Variants in ABCA6 observed in about 807,000 individuals in gnomAD.
ABCA6 encodes the protein ATP binding cassette subfamily A member 6.
A neutral mutation model predicts 191.2 loss-of-function variants in ABCA6; 164 were observed. The observed-to-expected ratio is 0.86, with a 90% CI of 0.76 to 0.98. The LOEUF (loss-of-function observed/expected upper bound fraction) is 0.98, where lower values mean the gene tolerates loss of function less well. Among genes scored for constraint, ABCA6 ranks in the 50% least tolerant of loss-of-function variants. The pLI, the probability that ABCA6 is intolerant of heterozygous loss-of-function variation, is 0.00. For missense variants in ABCA6, 1,958 were observed against 1,894.1 expected, an observed-to-expected ratio of 1.03 and a Z score of -0.63; for synonymous variants, 636 against 647.7, an observed-to-expected ratio of 0.98 and a Z score of 0.27.
rs2073945682 is a variant in ABCA6 at position 69,136,208 on chromosome 17, T to C, written c.344A>G (p.Glu115Gly). The C allele has an allele frequency of 3.1e-6, 5 of 1,596,934 alleles. No individual in the cohort carries two copies. Among genetic ancestry groups the C allele is most frequent in the Non-Finnish European group, 4.3e-6 (5 of 1,170,564 alleles). ...IGAPNKTHMD[E>G]ILLENLPYAM... ...ATATGGTAAATTTTCCAGAAGTATT[T>C]CGTCCATGTGTGTTTTATTTGGTGC... Residue 115 changes from glutamate (E) to glycine (G), a missense_variant, in exon 4 of 39, where the codon GAA becomes GGA. Coordinates refer to ENST00000284425, the MANE Select transcript of ABCA6 (RefSeq NM_080284.3).
chr17:69,118,919 C>G (rs929203745), intron 10 of ABCA6, among the ~76,000 whole-genome samples: 1 of 151,994 alleles, frequency 6.6e-6, no homozygotes, highest in African/African-American at 2.4e-5. Context: ...TAGATAGTCT[C>G]TCTCTCTGTC....
chr17:69,095,597 T>A (rs2073028235), intron 25 of ABCA6: 1 of 152,260 alleles, frequency 6.6e-6, no homozygotes, highest in African/African-American at 2.4e-5. Context: ...ATATTAAATA[T>A]ATCATTTCTT....
chr17:69,133,876 G>GTGCA lies in ABCA6; in HGVS notation c.565-10_565-9insTGCA, dbSNP rs747270154. On this transcript the variant is annotated splice_polypyrimidine_tract_variant and intron_variant, in intron 5 of 38. Coordinates refer to ENST00000284425, the MANE Select transcript of ABCA6 (RefSeq NM_080284.3). Reference sequence around the variant, plus strand: ...GGGTGATTGGTTGTGATCTAAAGTAGAGTTTAAACAAACATAATTATTATT... The same window carrying GTGCA: ...GGGTGATTGGTTGTGATCTAAAGTAGTGCAAGTTTAAACAAACATAATTATTATT... The GTGCA allele has an allele frequency of 6.6e-7, 1 of 1,507,894 alleles. No individual in the cohort carries two copies. The allele number at this position is 1,507,894 out of a possible 1,614,324, so 93.4% of individuals were successfully genotyped here. A position where few individuals can be genotyped will look rare whatever the true frequency, so the allele number is the denominator to read the frequency against.
rs74631971 is a variant in ABCA6 at position 69,086,301 on chromosome 17, C to T, written c.3937+317G>A. ...TTTTCAAAAGCTGTACCTAATCTGG[C>T]GCTGCTCAGCTCTATAGCTTTATCC... On this transcript the variant is annotated intron_variant, in intron 30 of 38. Transcript: ENST00000284425. Among the ~76,000 whole-genome samples, 1,287 of 152,108 alleles carry T rather than the reference C, an allele frequency of 8.5e-3. 13 individuals carry two copies. Among genetic ancestry groups the T allele is most frequent in the African/African-American group, 0.03 (1,229 of 41,470 alleles).
intron 15 of ABCA6, chr17:69,112,489 C>A: frequency 2.2e-6 from 1 of 455,534 alleles, no homozygotes; most frequent in Non-Finnish European, 3.9e-6. Flanking sequence ...GAGAATGAAA[C>A]CATGTCTTTT....
At position 69,087,358 on chromosome 17, in the gene ABCA6, C is replaced by A. The variant is rs1425612597; in HGVS notation, c.3814G>T (p.Asp1272Tyr). 6.2e-7 allele frequency: 1 copy of A among 1,613,130 alleles called. No homozygotes were observed. The highest frequency in any genetic ancestry group is 8.5e-7 in the Non-Finnish European group (1 of 1,179,652). The part of the protein sequence containing the change: ...TATALTTSIL[D>Y]EKPVIIASCL... Reference sequence around the variant, plus strand: ...TTTGCCCCTTGCTTTTTTACCTCATCTAAGATTGAAGTGGTCAGAGCAGTG... The same window carrying A: ...TTTGCCCCTTGCTTTTTTACCTCATATAAGATTGAAGTGGTCAGAGCAGTG... Residue 1272 changes from aspartate to tyrosine, a missense_variant, in exon 29 of 39, where the codon GAT (aspartate) becomes TAT (tyrosine). By Grantham distance (160) the Asp-to-Tyr change is radical (BLOSUM62 -3). Coordinates refer to ENST00000284425, the MANE Select transcript of ABCA6 (RefSeq NM_080284.3).
At chr17:69,105,767 C>A (rs2144657794) in intron 19 of ABCA6, 139 bp from the exon 20 acceptor site, 1 of 776,450 alleles carries the variant, frequency 1.3e-6, no homozygotes, top group East Asian at 2.7e-5. Flanking sequence ...GAAGATAATA[C>A]CCTAGCATGC....
Position 69,083,461 on chromosome 17 carries a change from G to T in ABCA6, c.4356-130C>A, listed in dbSNP as rs1288548497. ...ATAGTGCAATGTAAGTACTGACTAG[G>T]TTTTTGATAACATAAATAACATTTT... is the stretch of plus-strand genomic sequence containing the variant. On this transcript the variant is annotated intron_variant, in intron 34 of 38. Transcript: ENST00000284425. The T allele has an allele frequency of 4.9e-6, 4 of 822,834 alleles. No individual in the cohort carries two copies. In the East Asian group the frequency reaches 1.3e-4, roughly 26 times the overall value. The allele number at this position is 822,834 out of a possible 1,614,324, so 51.0% of individuals were successfully genotyped here. A position where few individuals can be genotyped will look rare whatever the true frequency, so the allele number is the denominator to read the frequency against.
intron 10 of ABCA6, among the ~76,000 whole-genome samples, chr17:69,118,893 C>G (rs1320077149): frequency 1.3e-5 from 2 of 151,942 alleles, no homozygotes; most frequent in East Asian, 1.9e-4. Flanking sequence ...ATTCACACAT[C>G]TAATGGTTTG....
At position 69,096,818 on chromosome 17, in the gene ABCA6, A is replaced by AT; in HGVS notation, c.3121-18_3121-17insA. On this transcript the variant is annotated splice_polypyrimidine_tract_variant and intron_variant, in intron 23 of 38. Coordinates refer to ENST00000284425, the MANE Select transcript of ABCA6 (RefSeq NM_080284.3). ...AGCATTTTTCTGATTAAAAAAAAAA[A>AT]GAAAGAAAGAAATGTATATAGATTC... The AT allele has an allele frequency of 4.0e-6, 6 of 1,507,018 alleles. No homozygotes were observed. The highest frequency in any genetic ancestry group is 4.4e-6 in the Non-Finnish European group (5 of 1,132,862). The allele number at this position is 1,507,018 out of a possible 1,614,324, so 93.4% of individuals were successfully genotyped here.
At chr17:69,083,914 T>C (rs1001380151) in intron 34 of ABCA6, among the ~76,000 whole-genome samples, 2 of 151,294 alleles carry the variant, frequency 1.3e-5, no homozygotes, top group African/African-American at 2.4e-5. Flanking sequence ...AACAGGAAAA[T>C]TGTGTCAGGA....
At chr17:69,138,893 G>A (rs1263417589) in intron 2 of ABCA6, among the ~76,000 whole-genome samples, 6 of 151,580 alleles carry the variant, frequency 4.0e-5, no homozygotes, top group Non-Finnish European at 7.4e-5. Flanking sequence ...GGCTAGCCAT[G>A]TGTAGAAAGC....
chr17:69,134,880 G>A (rs2073924372), intron 4 of ABCA6, 138 bp from the exon 5 acceptor site: 2 of 220,526 alleles, frequency 9.1e-6, no homozygotes, highest in African/African-American at 8.6e-5. Context: ...CGTTTTTGTT[G>A]TGGTTGTCTT....
intron 10 of ABCA6, among the ~76,000 whole-genome samples, chr17:69,118,752 T>G (rs550407826): frequency 2.6e-5 from 4 of 152,074 alleles, no homozygotes; most frequent in Admixed American, 2.6e-4. Flanking sequence ...CACATCAGCT[T>G]GATATTCCAC....
chr17:69,089,542 T>C lies in ABCA6; in HGVS notation c.3529A>G (p.Arg1177Gly). The C allele has an allele frequency of 6.2e-7, 1 of 1,611,996 alleles. No individual in the cohort carries two copies. Among genetic ancestry groups the C allele is most frequent in the Non-Finnish European group, 8.5e-7 (1 of 1,179,234 alleles). Reference protein sequence around the residue: ...LLGFKTFLEVRDQEHYREFPE... With the variant: ...LLGFKTFLEVGDQEHYREFPE... ...AATTCTCTGTAGTGCTCCTGGTCTC[T>C]CTGAAAAGACAAAACAAAACACACA... The change falls in exon 27 of 39, where the codon AGA becomes GGA. Residue 1177 changes from arginine to glycine, a missense_variant and splice_region_variant. Physicochemically the swap from Arg to Gly is moderately radical, Grantham distance 125. Transcript: ENST00000284425.
rs1301507431 is a variant in ABCA6, at chr17:69,113,699, A to T, written c.1821T>A (p.Ile607=). 1 of 1,612,764 alleles carries T rather than the reference A, an allele frequency of 6.2e-7. No individual in the cohort carries two copies. Among genetic ancestry groups the T allele is most frequent in the Non-Finnish European group, 8.5e-7 (1 of 1,179,216 alleles). ...RILLELDMQN[I]QDNLAKHLSE... The stretch of plus-strand genomic sequence containing the variant: ...TTAAATGTTTAGCAAGGTTATCTTG[A>T]ATGTTTTGCATGTCCAATTCCAATA... Residue 607 remains isoleucine, a synonymous_variant, in exon 14 of 39, where the codon ATT becomes ATA. Coordinates refer to ENST00000284425, the MANE Select transcript of ABCA6 (RefSeq NM_080284.3).
At chr17:69,085,975 TG>T (rs2072778326) in intron 30 of ABCA6, among the ~76,000 whole-genome samples, 1 of 152,202 alleles carries the variant, frequency 6.6e-6, no homozygotes, top group East Asian at 1.9e-4. Flanking sequence ...GTTGGAAATG[TG>T]TCCAACTGTT....
chr17:69,102,433 G>C (rs1323771601), intron 21 of ABCA6, among the ~76,000 whole-genome samples: 1 of 152,150 alleles, frequency 6.6e-6, no homozygotes, highest in Non-Finnish European at 1.5e-5. Context: ...GTAGCAGACT[G>C]AGAATACTTT....
intron 14 of ABCA6, 54 bp downstream of exon 14, chr17:69,113,564 T>G: frequency 6.2e-7 from 1 of 1,610,966 alleles, no homozygotes; most frequent in Admixed American, 1.7e-5. Flanking sequence ...TAAAAGAACT[T>G]GACATTTTGC....
Sources: allele counts gnomAD v4.1 joint callset (sites outside exome capture counted in the v4.1 genomes callset), GRCh38; gene constraint gnomAD v4.1.1; transcripts MANE v1.5; gene names NCBI Gene and HGNC (gene_info 2026-07-23, HGNC 2026-07-21).